Variants in KRT79 observed in about 807,000 individuals in gnomAD.
The protein encoded by KRT79 is keratin, type II cytoskeletal 79.
In KRT79, 51 loss-of-function variants were observed where a neutral mutation model predicts 49.0. That is an observed-to-expected ratio of 1.04 (90% CI 0.83 to 1.31). The LOEUF is 1.31. KRT79 is among the 40% of genes most tolerant of loss of function. The pLI, the probability that KRT79 is intolerant of heterozygous loss-of-function variation, is 0.00. For missense variants in KRT79, 728 were observed against 688.0 expected, an observed-to-expected ratio of 1.06 and a Z score of -0.65; for synonymous variants, 312 against 286.6, an observed-to-expected ratio of 1.09 and a Z score of -0.90.
Position 52,823,196 on chromosome 12 carries a change from C to G in KRT79, c.1187G>C (p.Arg396Pro). 2 of 1,614,218 alleles carry G rather than the reference C, an allele frequency of 1.2e-6. No homozygotes were observed. Among genetic ancestry groups the G allele is most frequent in the South Asian group, 1.1e-5 (1 of 91,086 alleles). The part of the protein sequence containing the change: ...LQTAIAEAEQ[R>P]GELALKDAQK... The stretch of plus-strand genomic sequence containing the variant: ...AGCATCCTTGAGTGCCAGCTCCCCA[C>G]GCTGCTCCGCTTCCGCAATGGCCGT... The change falls in exon 7 of 9, where the codon CGT becomes CCT. Residue 396 changes from arginine (R) to proline (P), a missense_variant. By Grantham distance (103) the Arg-to-Pro change is moderately radical (BLOSUM62 -2). Transcript: ENST00000330553.
At chr12:52,822,408 A>T (rs765371575) in intron 7 of KRT79, 29 bp from the exon 8 acceptor site, 14 of 1,518,402 alleles carry the variant, frequency 9.2e-6, no homozygotes, top group Non-Finnish European at 5.4e-6. Flanking sequence ...CCAGGAGAGC[A>T]GTCAGTTATC....
In KRT79 at chr12:52,821,984, C is replaced by T. The variant is rs971795819; in HGVS notation, c.1496G>A (p.Gly499Asp). Residue 499 changes from glycine to aspartate, a missense_variant, in exon 9 of 9, where the codon GGT (glycine) becomes GAT (aspartate). Gly to Asp is a moderately conservative substitution (Grantham distance 94). Transcript: ENST00000330553. The stretch of plus-strand genomic sequence containing the variant: ...ATAGCCCACATTTGTGCTGAATCCA[C>T]CCTTGGTGGCCCCCCCACTCCCACC... ...SLGGSGGATK[G>D]GFSTNVGYST... 6.2e-7 allele frequency: 1 copy of T among 1,614,228 alleles called. No individual in the cohort carries two copies. Among genetic ancestry groups the T allele is most frequent in the Non-Finnish European group, 8.5e-7 (1 of 1,180,040 alleles).
At position 52,834,293 on chromosome 12, in the gene KRT79, G is replaced by A. The variant is rs1045035417; in HGVS notation, c.-33C>T. 5.8e-6 allele frequency: 9 copies of A among 1,558,324 alleles called. No individual in the cohort carries two copies. Among genetic ancestry groups the A allele is most frequent in the African/African-American group, 1.4e-5 (1 of 73,700 alleles). ...GAGGGGCCGGAGGGCAGGATGAGAG[G>A]GCAGGAAGGGAGTGCCGTGAGCTGC... is the stretch of plus-strand genomic sequence containing the variant. On this transcript the variant is annotated 5_prime_UTR_variant, in exon 1 of 9. Transcript: ENST00000330553.
chr12:52,834,109 C>T lies in KRT79; in HGVS notation c.152G>A (p.Gly51Asp), dbSNP rs1425474017. The T allele has an allele frequency of 8.7e-6, 14 of 1,613,234 alleles. No homozygotes were observed. Among genetic ancestry groups the T allele is most frequent in the Non-Finnish European group, 1.1e-5 (13 of 1,179,858 alleles). Residue 51 changes from glycine to aspartate, a missense_variant, in exon 1 of 9, where the codon GGC becomes GAC. Physicochemically the swap from Gly to Asp is moderately conservative, Grantham distance 94. Coordinates refer to ENST00000330553, the MANE Select transcript of KRT79 (RefSeq NM_175834.3). ...SSGSGGGAHC[G>D]PGTGGFGSRS... is the part of the protein sequence containing the mutation. ...GCTGCCAAAGCCACCTGTGCCGGGG[C>T]CACAGTGGGCCCCGCCACCACTGCC... is the stretch of plus-strand genomic sequence containing the variant.
chr12:52,833,928 A>T lies in KRT79; in HGVS notation c.333T>A (p.Pro111=), dbSNP rs146288989. ...GRQTFGPACP[P]GGIQEVTVNQ... ...TGACAGTGACCTCCTGGATCCCCCC[A>T]GGAGGACAAGCAGGCCCAAACGTCT... The change falls in exon 1 of 9, where the codon CCT becomes CCA. Residue 111 remains proline, a synonymous_variant. Transcript: ENST00000330553. The T allele has an allele frequency of 6.8e-4, 1,101 of 1,613,808 alleles. 12 individuals are homozygous for T. The African/African-American group carries it at 0.012, about 17-fold the overall frequency.
intron 4 of KRT79, among the ~76,000 whole-genome samples, chr12:52,826,068 C>T (rs902725935): frequency 6.6e-6 from 1 of 152,084 alleles, no homozygotes; most frequent in Admixed American, 6.6e-5. Flanking sequence ...GATGAACTGT[C>T]AGCATCATCT....
At position 52,824,287 on chromosome 12, in the gene KRT79, G is replaced by T; in HGVS notation, c.931C>A (p.Leu311Met). 1 of 1,614,232 alleles carries T rather than the reference G, an allele frequency of 6.2e-7. No individual in the cohort carries two copies. The highest frequency in any genetic ancestry group is 8.5e-7 in the Non-Finnish European group (1 of 1,180,044). The change falls in exon 5 of 9, where the codon CTG (leucine) becomes ATG (methionine). Residue 311 changes from leucine to methionine, a missense_variant. Transcript: ENST00000330553. ...TTGACCTCGGCGATGATGCTGTCCAGGTCCAGGTTGCGGTTGTTGTCCATG... is the reference window on the plus strand; with the variant it reads ...TTGACCTCGGCGATGATGCTGTCCATGTCCAGGTTGCGGTTGTTGTCCATG... ...LSMDNNRNLD[L>M]DSIIAEVKAQ...
intron 1 of KRT79, 84 bp from the exon 2 acceptor site, chr12:52,831,710 C>G: frequency 1.8e-6 from 2 of 1,126,606 alleles, no homozygotes; most frequent in East Asian, 2.5e-5. Context: ...CACCTCCCCT[C>G]CAAGGCCAGG....
At position 52,833,830 on chromosome 12, in the gene KRT79, T is replaced by A; in HGVS notation, c.431A>T (p.Glu144Val). 1 of 1,613,482 alleles carries A rather than the reference T, an allele frequency of 6.2e-7. No individual in the cohort carries two copies. Among genetic ancestry groups the A allele is most frequent in the Non-Finnish European group, 8.5e-7 (1 of 1,179,864 alleles). ...EIQRVRTQER[E>V]QIKTLNNKFA... Reference sequence around the variant, plus strand: ...CTTGTTGTTGAGGGTCTTGATCTGCTCCCGCTCCTGAGTGCGCACTCGCTG... The same window carrying A: ...CTTGTTGTTGAGGGTCTTGATCTGCACCCGCTCCTGAGTGCGCACTCGCTG... Residue 144 changes from glutamate to valine, a missense_variant, in exon 1 of 9, where the codon GAG (glutamate) becomes GTG (valine). By Grantham distance (121) the Glu-to-Val change is moderately radical. Coordinates refer to ENST00000330553, the MANE Select transcript of KRT79 (RefSeq NM_175834.3).
intron 4 of KRT79, among the ~76,000 whole-genome samples, chr12:52,827,023 G>T (rs765692421): frequency 2.6e-4 from 39 of 152,212 alleles, no homozygotes; most frequent in Non-Finnish European, 5.6e-4. Context: ...TCACCTAACT[G>T]TGCCCACACA....
In KRT79 at chr12:52,834,299, A is replaced by C; in HGVS notation, c.-39T>G. 1 of 1,533,610 alleles carries C rather than the reference A, an allele frequency of 6.5e-7. No homozygotes were observed. On this transcript the variant is annotated 5_prime_UTR_variant, in exon 1 of 9. Coordinates refer to ENST00000330553, the MANE Select transcript of KRT79 (RefSeq NM_175834.3). The stretch of plus-strand genomic sequence containing the variant: ...CCGGAGGGCAGGATGAGAGGGCAGG[A>C]AGGGAGTGCCGTGAGCTGCTGGGCC...
At position 52,830,009 on chromosome 12, in the gene KRT79, A is replaced by G; in HGVS notation, c.855+14T>C. On this transcript the variant is annotated intron_variant, in intron 4 of 8. Coordinates refer to ENST00000330553, the MANE Select transcript of KRT79 (RefSeq NM_175834.3). ...TAGTGTATGCAAACTCTCCCTGCCC[A>G]TTGGCCACCTCACCATTTCATAGAG... 2 of 1,612,832 alleles carry G rather than the reference A, an allele frequency of 1.2e-6. No homozygotes were observed. Among genetic ancestry groups the G allele is most frequent in the Non-Finnish European group, 1.7e-6 (2 of 1,178,762 alleles).
intron 2 of KRT79, among the ~76,000 whole-genome samples, chr12:52,830,860 C>T (rs1940242737): frequency 6.6e-6 from 1 of 152,086 alleles, no homozygotes; most frequent in Non-Finnish European, 1.5e-5. Flanking sequence ...AAATTCAAAA[C>T]TGGCTGGATA....
intron 1 of KRT79, among the ~76,000 whole-genome samples, chr12:52,832,954 G>A (rs1023478089): frequency 1.3e-5 from 2 of 152,164 alleles, no homozygotes; most frequent in African/African-American, 4.8e-5. Flanking sequence ...ATGTTCTTCG[G>A]AAACACACAA....
At chr12:52,822,209 C>A (rs1221116920) in intron 8 of KRT79, 132 bp from the exon 9 acceptor site, 1 of 1,271,130 alleles carries the variant, frequency 7.9e-7, no homozygotes, top group Admixed American at 2.0e-5. Context: ...AAGCCCAGAA[C>A]TAGGACCCTC....
chr12:52,822,324 A>G (rs1411355395), intron 8 of KRT79, 21 bp downstream of exon 8: 1 of 1,605,082 alleles, frequency 6.2e-7, no homozygotes, highest in South Asian at 1.1e-5. Context: ...GTGGAGCAGG[A>G]AGTGGGGAGT....
intron 4 of KRT79, among the ~76,000 whole-genome samples, chr12:52,825,968 T>C (rs1270953437): frequency 6.6e-6 from 1 of 152,152 alleles, no homozygotes; most frequent in Non-Finnish European, 1.5e-5. Flanking sequence ...TTTCCCAGAC[T>C]TCTCTGAAGG....
At chr12:52,829,909 G>T in intron 4 of KRT79, 114 bp downstream of exon 4, 2 of 878,268 alleles carry the variant, frequency 2.3e-6, no homozygotes, top group Non-Finnish European at 3.8e-6. Flanking sequence ...AAGTGTTAAG[G>T]TTTCATCTTC....
chr12:52,824,212 A>G lies in KRT79; in HGVS notation c.1006T>C (p.Trp336Arg), dbSNP rs772056211. The change falls in exon 5 of 9, where the codon TGG (tryptophan) becomes CGG (arginine). Residue 336 changes from tryptophan to arginine, a missense_variant. Trp to Arg is a moderately radical substitution (Grantham distance 101). Transcript: ENST00000330553. Reference sequence around the variant, plus strand: ...ATGCCTCTCACCTTGGTCTGGTACCAGGCCTCGGCCTCAGCCCGGCTCCTC... The same window carrying G: ...ATGCCTCTCACCTTGGTCTGGTACCGGGCCTCGGCCTCAGCCCGGCTCCTC... ...AQRSRAEAEA[W>R]YQTKYEELQV... 2.1e-5 allele frequency: 34 copies of G among 1,614,216 alleles called. 1 individual carries two copies. In the Middle Eastern group the frequency reaches 3.1e-3, roughly 149 times the overall value.
Sources: allele counts gnomAD v4.1 joint callset (sites outside exome capture counted in the v4.1 genomes callset), GRCh38; gene constraint gnomAD v4.1.1; transcripts MANE v1.5; gene names NCBI Gene and HGNC (gene_info 2026-07-23, HGNC 2026-07-21).